Variants in PDGFC observed in about 807,000 individuals in gnomAD.
The protein encoded by PDGFC is platelet-derived growth factor C.
PDGFC carries 12 observed loss-of-function variants against 35.5 expected under a neutral mutation model. The observed-to-expected ratio is 0.34, with a 90% CI of 0.22 to 0.55. PDGFC has a LOEUF of 0.55. Ranked by LOEUF, PDGFC falls within the 20% of genes least tolerant of loss-of-function variation. The pLI is 0.91. For missense variants in PDGFC, 322 were observed against 412.4 expected (o/e 0.78, Z 1.90); for synonymous variants, 159 against 148.8 (o/e 1.07, Z -0.50).
intron 3 of PDGFC, among the ~76,000 whole-genome samples, chr4:156,799,397 C>A (rs538850497): frequency 1.3e-5 from 2 of 151,262 alleles, no homozygotes; most frequent in Non-Finnish European, 2.9e-5. Flanking sequence ...TGCAAAAAGC[C>A]GAAAAAAAAA....
At chr4:156,806,475 G>T (rs879322477) in intron 3 of PDGFC, among the ~76,000 whole-genome samples, 2 of 151,768 alleles carry the variant, frequency 1.3e-5, no homozygotes, top group Non-Finnish European at 2.9e-5. Context: ...AAAATCAGTG[G>T]TAATCATTTT....
rs1286992024 is a variant in PDGFC at position 156,772,634 on chromosome 4, C to T, written c.703+52G>A. On this transcript the variant is annotated intron_variant, in intron 4 of 5. Coordinates refer to ENST00000502773, the MANE Select transcript of PDGFC (RefSeq NM_016205.3). ...GAAGCTGTGGCAGAAGAATCTGAAA[C>T]ATTAGCTGTTAAGAAAATTAAATGA... is the stretch of plus-strand genomic sequence containing the variant. 6 of 1,162,034 alleles carry T rather than the reference C, an allele frequency of 5.2e-6. No individual in the cohort carries two copies. The South Asian group carries it at 6.4e-5, about 12-fold the overall frequency. 72.0% of individuals were successfully genotyped at this position (1,162,034 alleles called of 1,614,324 possible). A position where few individuals can be genotyped will look rare whatever the true frequency, so the allele number is the denominator to read the frequency against.
chr4:156,927,713 T>C (rs892845382), intron 1 of PDGFC, among the ~76,000 whole-genome samples: 1 of 152,130 alleles, frequency 6.6e-6, no homozygotes, highest in African/African-American at 2.4e-5. Context: ...AACCATTCAA[T>C]GAGTCTCTAG....
At chr4:156,928,549 G>A (rs1579105881) in intron 1 of PDGFC, among the ~76,000 whole-genome samples, 1 of 152,188 alleles carries the variant, frequency 6.6e-6, no homozygotes, top group African/African-American at 2.4e-5. Flanking sequence ...GGTACTTGCT[G>A]CTAGGAAGAA....
At chr4:156,924,236 A>T (rs1026500560) in intron 1 of PDGFC, among the ~76,000 whole-genome samples, 1 of 152,226 alleles carries the variant, frequency 6.6e-6, no homozygotes, top group Admixed American at 6.5e-5. Context: ...GCAGCCGAAT[A>T]GTTTCAACCT....
Position 156,762,896 on chromosome 4 carries a change from C to T in PDGFC, c.*194G>A, listed in dbSNP as rs1311941305. On this transcript the variant is annotated 3_prime_UTR_variant, in exon 6 of 6. Coordinates refer to ENST00000502773, the MANE Select transcript of PDGFC (RefSeq NM_016205.3). Reference sequence around the variant, plus strand: ...CCTTTTCTCCTGTCCTTTAGGCCTCCTCTCAAAAGAGCTGTTGCACAACTC... The same window carrying T: ...CCTTTTCTCCTGTCCTTTAGGCCTCTTCTCAAAAGAGCTGTTGCACAACTC... 2 of 500,600 alleles carry T rather than the reference C, an allele frequency of 4.0e-6. No homozygotes were observed. The highest frequency in any genetic ancestry group is 2.9e-5 in the East Asian group (1 of 34,170). The allele number at this position is 500,600 out of a possible 1,614,324, so 31.0% of individuals were successfully genotyped here. A position where few individuals can be genotyped will look rare whatever the true frequency, so the allele number is the denominator to read the frequency against.
chr4:156,832,757 G>A (rs1271852995), intron 2 of PDGFC, among the ~76,000 whole-genome samples: 1 of 152,194 alleles, frequency 6.6e-6, no homozygotes, highest in East Asian at 1.9e-4. Flanking sequence ...TTTCAGGAAT[G>A]CAAAACCCAT....
chr4:156,822,690 CAT>C (rs1181224520), intron 2 of PDGFC, among the ~76,000 whole-genome samples: 1 of 152,096 alleles, frequency 6.6e-6, no homozygotes, highest in African/African-American at 2.4e-5. Flanking sequence ...AGGGAAAACT[CAT>C]ATAGGTAAGG....
rs192218771 is a variant in PDGFC, at chr4:156,959,748, C to T, written c.118+11038G>A. Among the ~76,000 whole-genome samples, 9 of 152,018 alleles carry T rather than the reference C, an allele frequency of 5.9e-5. No individual in the cohort carries two copies. In the East Asian group the frequency reaches 7.8e-4, roughly 13 times the overall value. On this transcript the variant is annotated intron_variant, in intron 1 of 5. Coordinates refer to ENST00000502773, the MANE Select transcript of PDGFC (RefSeq NM_016205.3). The stretch of plus-strand genomic sequence containing the variant: ...GATTTGCACCTCTGAGTTTTTGCTA[C>T]GGTAGGTTGGCCACTTAGAAATGAC...
At chr4:156,899,556 T>G (rs901286050) in intron 1 of PDGFC, among the ~76,000 whole-genome samples, 1 of 152,264 alleles carries the variant, frequency 6.6e-6, no homozygotes, top group African/African-American at 2.4e-5. Flanking sequence ...GGCTCACACC[T>G]GTAATCCCAG....
At chr4:156,860,103 AAT>A (rs1470766738) in intron 1 of PDGFC, among the ~76,000 whole-genome samples, 1 of 152,180 alleles carries the variant, frequency 6.6e-6, no homozygotes, top group African/African-American at 2.4e-5. Flanking sequence ...TTTTATTCAA[AAT>A]AGAGACTGAA....
At chr4:156,796,669 T>G (rs1731451309) in intron 3 of PDGFC, among the ~76,000 whole-genome samples, 1 of 152,126 alleles carries the variant, frequency 6.6e-6, no homozygotes, top group African/African-American at 2.4e-5. Context: ...CCAAGCTGTA[T>G]TCTCTGAGTG....
chr4:156,812,888 T>G (rs930030950), intron 2 of PDGFC, among the ~76,000 whole-genome samples: 1 of 152,082 alleles, frequency 6.6e-6, no homozygotes, highest in African/African-American at 2.4e-5. Flanking sequence ...CACACCTACT[T>G]TTTAACATAA....
rs1242851867 is a variant in PDGFC at position 156,848,551 on chromosome 4, T to C, written c.314+1670A>G. ...AAAGACAACAAATGATCTAATAAGCTATCTGCCTCAATATGAACTAATTTT... is the reference window on the plus strand; with the variant it reads ...AAAGACAACAAATGATCTAATAAGCCATCTGCCTCAATATGAACTAATTTT... On this transcript the variant is annotated intron_variant, in intron 2 of 5. Coordinates refer to ENST00000502773, the MANE Select transcript of PDGFC (RefSeq NM_016205.3). Among the ~76,000 whole-genome samples the C allele has an allele frequency of 3.3e-5, 5 of 151,976 alleles. No individual in the cohort carries two copies. In the East Asian group the frequency reaches 9.6e-4, roughly 29 times the overall value.
intron 3 of PDGFC, among the ~76,000 whole-genome samples, chr4:156,777,161 G>A (rs993828939): frequency 4.6e-5 from 7 of 151,928 alleles, no homozygotes; most frequent in African/African-American, 1.7e-4. Context: ...AATTTTGAGA[G>A]TACATGAAGT....
At chr4:156,951,729 T>C (rs991698212) in intron 1 of PDGFC, among the ~76,000 whole-genome samples, 9 of 136,182 alleles carry the variant, frequency 6.6e-5, no homozygotes, top group African/African-American at 2.3e-4. Flanking sequence ...CTCTACCTTA[T>C]AGAAAAAAAA....
intron 1 of PDGFC, chr4:156,861,546 T>C (rs1729710145): frequency 3.4e-6 from 2 of 593,806 alleles, no homozygotes; most frequent in Admixed American, 5.7e-5. Flanking sequence ...AATCCTAATC[T>C]AGGTGGTTCA....
intron 3 of PDGFC, among the ~76,000 whole-genome samples, chr4:156,780,820 A>C (rs1305367231): frequency 6.6e-6 from 1 of 152,102 alleles, no homozygotes; most frequent in Non-Finnish European, 1.5e-5. Context: ...TGACCCCCCC[A>C]CATGGCTGAA....
At chr4:156,887,754 C>T (rs548358933) in intron 1 of PDGFC, among the ~76,000 whole-genome samples, 35 of 152,148 alleles carry the variant, frequency 2.3e-4, no homozygotes, top group African/African-American at 8.4e-4. Context: ...GTGCCACAGG[C>T]CTATAACCCC....
Sources: allele counts gnomAD v4.1 joint callset (sites outside exome capture counted in the v4.1 genomes callset), GRCh38; gene constraint gnomAD v4.1.1; transcripts MANE v1.5; gene names NCBI Gene and HGNC (gene_info 2026-07-23, HGNC 2026-07-21).